MEGF10: variants seen among roughly 807,000 people sequenced by gnomAD.
MEGF10 encodes multiple EGF like domains 10.
Under a neutral mutation model 147.5 loss-of-function variants are expected in MEGF10, and 86 were observed. That is an observed-to-expected ratio of 0.58 (90% CI 0.49 to 0.70). MEGF10 has a LOEUF of 0.70. MEGF10 is among the 30% of genes least tolerant of loss of function. MEGF10 has a pLI of 0.00. For synonymous variants in MEGF10, 478 were observed against 525.5 expected (o/e 0.91, Z 1.24); for missense variants, 1,329 against 1,487.3 (o/e 0.89, Z 1.75).
chr5:127,377,184 A>G (rs913199130), intron 5 of MEGF10, among the ~76,000 whole-genome samples: 2 of 152,230 alleles, frequency 1.3e-5, no homozygotes, highest in Non-Finnish European at 2.9e-5. Flanking sequence ...CAATATGTAT[A>G]TGCAACTCCT....
Position 127,409,038 on chromosome 5 carries a change from C to A in MEGF10, c.918-1351C>A, listed in dbSNP as rs114630635. 3.6e-3 allele frequency among the ~76,000 whole-genome samples: 543 copies of A among 152,246 alleles called. 2 individuals are homozygous for A. Among genetic ancestry groups the A allele is most frequent in the African/African-American group, 0.013 (524 of 41,532 alleles). On this transcript the variant is annotated intron_variant, in intron 8 of 24. Coordinates refer to ENST00000503335, the MANE Select transcript of MEGF10 (RefSeq NM_001256545.2). ...GTTACAGTGAGCTATGATGGCACCA[C>A]TGCACTCCAGTCTGGGTGATAGAGG... is the stretch of plus-strand genomic sequence containing the variant.
intron 17 of MEGF10, among the ~76,000 whole-genome samples, chr5:127,439,126 T>C (rs1210029964): frequency 6.6e-6 from 1 of 152,242 alleles, no homozygotes; most frequent in Non-Finnish European, 1.5e-5. Context: ...GCTGGGACCA[T>C]GCTTTGAGAG....
At chr5:127,296,293 A>G (rs1455928232) in intron 1 of MEGF10, among the ~76,000 whole-genome samples, 1 of 152,214 alleles carries the variant, frequency 6.6e-6, no homozygotes, top group Non-Finnish European at 1.5e-5. Flanking sequence ...GAATGTGATA[A>G]TACATCCTGT....
chr5:127,253,526 A>G, the MEGF10 span, among the ~76,000 whole-genome samples: 1 of 152,052 alleles, frequency 6.6e-6, no homozygotes, highest in South Asian at 2.1e-4. Context: ...AATTATAGTT[A>G]TTTATACATT....
the MEGF10 span, among the ~76,000 whole-genome samples, chr5:127,267,900 TTTTTA>T: frequency 6.6e-6 from 1 of 152,182 alleles, no homozygotes; most frequent in African/African-American, 2.4e-5. Context: ...TTTGAAGGAT[TTTTTA>T]TGTCTCTATC....
intron 4 of MEGF10, among the ~76,000 whole-genome samples, chr5:127,353,291 A>G (rs1030377512): frequency 1.6e-4 from 25 of 152,356 alleles, no homozygotes; most frequent in Middle Eastern, 3.4e-3. Context: ...GGACCTAACC[A>G]TTATTTACAA....
rs77610038 is a variant in MEGF10, at chr5:127,421,755, C to G, written c.1591-915C>G. Among the ~76,000 whole-genome samples, 232 of 151,914 alleles carry G rather than the reference C, an allele frequency of 1.5e-3. 2 individuals carry two copies. The highest frequency in any genetic ancestry group is 5.4e-3 in the African/African-American group (222 of 41,438). ...AAAGTAACAAAATATCTTCATTTTT[C>G]TTTATAGTACCATGTATCTCGTTGG... On this transcript the variant is annotated intron_variant, in intron 12 of 24. Coordinates refer to ENST00000503335, the MANE Select transcript of MEGF10 (RefSeq NM_001256545.2).
chr5:127,364,953 G>A (rs992928016), intron 4 of MEGF10, among the ~76,000 whole-genome samples: 1 of 152,142 alleles, frequency 6.6e-6, no homozygotes, highest in Non-Finnish European at 1.5e-5. Context: ...GAATATTGGG[G>A]AAATTACCCA....
chr5:127,229,948 C>T, the MEGF10 span: 2 of 151,996 alleles, frequency 1.3e-5, no homozygotes, highest in South Asian at 4.2e-4. Flanking sequence ...GGCTTTATTC[C>T]TGAAAGCAAA....
intron 1 of MEGF10, among the ~76,000 whole-genome samples, chr5:127,302,126 G>A (rs1335253492): frequency 6.6e-6 from 1 of 152,114 alleles, no homozygotes; most frequent in Non-Finnish European, 1.5e-5. Flanking sequence ...CAACAGAATT[G>A]AAAACAGGTG....
At chr5:127,336,048 TATC>T (rs1761457890) in intron 2 of MEGF10, among the ~76,000 whole-genome samples, 2 of 110,044 alleles carry the variant, frequency 1.8e-5, no homozygotes, top group South Asian at 5.9e-4. Context: ...GGCAGGTAAT[TATC>T]ATTGGTCAGA....
At chr5:127,426,060 T>C (rs1334183026) in intron 13 of MEGF10, among the ~76,000 whole-genome samples, 1 of 152,194 alleles carries the variant, frequency 6.6e-6, no homozygotes, top group Non-Finnish European at 1.5e-5. Context: ...GCTGATCAGT[T>C]GGATTTGGAG....
At chr5:127,455,682 A>G in intron 24 of MEGF10, 75 bp downstream of exon 24, 1 of 1,138,916 alleles carries the variant, frequency 8.8e-7, no homozygotes, top group Non-Finnish European at 1.3e-6. Context: ...TACGAATATA[A>G]TAGTTGCAGG....
chr5:127,369,486 AAATCATAATACAT>A (rs1338486950), intron 4 of MEGF10, among the ~76,000 whole-genome samples: 1 of 152,214 alleles, frequency 6.6e-6, no homozygotes, highest in Non-Finnish European at 1.5e-5. Context: ...TATGTAAAAA[AAATCATAATACAT>A]AATCATAATA....
At chr5:127,448,444 T>A (rs1376258045) in intron 21 of MEGF10, among the ~76,000 whole-genome samples, 1 of 152,158 alleles carries the variant, frequency 6.6e-6, no homozygotes, top group Non-Finnish European at 1.5e-5. Flanking sequence ...CCCACAATGC[T>A]CTGAAGTCTC....
the MEGF10 span, among the ~76,000 whole-genome samples, chr5:127,285,764 A>G: frequency 6.6e-6 from 1 of 152,124 alleles, no homozygotes; most frequent in Non-Finnish European, 1.5e-5. Flanking sequence ...TGGCTGTAAT[A>G]AAATTAAATT....
At chr5:127,231,254 A>C in the MEGF10 span, among the ~76,000 whole-genome samples, 1 of 152,208 alleles carries the variant, frequency 6.6e-6, no homozygotes, top group Non-Finnish European at 1.5e-5. Context: ...TCATACTCTT[A>C]GATTAAAATC....
At chr5:127,400,988 AT>A (rs1764107246) in intron 7 of MEGF10, among the ~76,000 whole-genome samples, 7 of 152,204 alleles carry the variant, frequency 4.6e-5, no homozygotes, top group Admixed American at 2.0e-4. Flanking sequence ...ACATACCTTC[AT>A]ATTGAAACGA....
At position 127,449,106 on chromosome 5, in the gene MEGF10, A is replaced by G; in HGVS notation, c.2864A>G (p.Asn955Ser). 2 of 1,614,120 alleles carry G rather than the reference A, an allele frequency of 1.2e-6. No homozygotes were observed. Among genetic ancestry groups the G allele is most frequent in the Non-Finnish European group, 1.7e-6 (2 of 1,179,992 alleles). Residue 955 changes from asparagine to serine, a missense_variant, in exon 22 of 25, where the codon AAC becomes AGC. This residue lies in a region of MEGF10 where 343 missense variants were observed against 377.9 expected (regional missense o/e 0.91). Transcript: ENST00000503335. ...TGTTTATATTTTTAACAGTCAAAAA[A>G]CAATCAACTGTTTGTGAATCTTAAA... ...RDRMTVTKSK[N>S]NQLFVNLKNV...
Sources: allele counts gnomAD v4.1 joint callset (sites outside exome capture counted in the v4.1 genomes callset), GRCh38; gene constraint gnomAD v4.1.1; regional missense constraint gnomAD v4.1.1; transcripts MANE v1.5; gene names NCBI Gene and HGNC (gene_info 2026-07-23, HGNC 2026-07-21).